Variants in NEK1 observed in about 807,000 individuals in gnomAD.
NEK1 encodes the protein NIMA related kinase 1.
In NEK1, 137 loss-of-function variants were observed where a neutral mutation model predicts 182.1. The ratio of observed to expected loss-of-function variants is 0.75; its 90% CI spans 0.65 to 0.87. The LOEUF (loss-of-function observed/expected upper bound fraction) is 0.87. Among genes scored for constraint, NEK1 ranks in the 40% least tolerant of loss-of-function variants. The probability of loss-of-function intolerance (pLI) is 0.00; values close to 1 mark genes in which losing one functional copy is unlikely to be tolerated. For synonymous variants in NEK1, 513 were observed against 492.2 expected (o/e 1.04, Z -0.56); for missense variants, 1,391 against 1,494.4 (o/e 0.93, Z 1.14).
chr4:169,448,476 T>C (rs1561205330), intron 27 of NEK1, among the ~76,000 whole-genome samples: 1 of 151,868 alleles, frequency 6.6e-6, no homozygotes, highest in Non-Finnish European at 1.5e-5. Context: ...AGCAAGAAAT[T>C]AAAACATACC....
At chr4:169,407,080 G>A (rs1732775291) in intron 31 of NEK1, among the ~76,000 whole-genome samples, 1 of 152,074 alleles carries the variant, frequency 6.6e-6, no homozygotes, top group African/African-American at 2.4e-5. Flanking sequence ...TGGGAGAAGT[G>A]TTTATTTAGG....
In NEK1 at chr4:169,555,999, G is replaced by A; in HGVS notation, c.1363C>T (p.Gln455Ter). The A allele has an allele frequency of 4.3e-6, 7 of 1,613,538 alleles. No homozygotes were observed. Among genetic ancestry groups the A allele is most frequent in the Non-Finnish European group, 5.9e-6 (7 of 1,179,756 alleles). The change falls in exon 17 of 36, where the codon CAA (glutamine) becomes TAA (stop). Residue 455 changes from glutamine (Q) to a stop codon, truncating the protein, a stop_gained. Transcript: ENST00000507142. LOFTEE classifies it high-confidence loss of function. Reference protein sequence around the residue: ...HYHAIFDQMQQQRAEDNEAKW... With the variant: ...HYHAIFDQMQ ...GCTTCATTATCTTCTGCTCTTTGTT[G>A]CTGCATTTGGTCAAAAATGGCATGG... is the stretch of plus-strand genomic sequence containing the variant.
chr4:169,456,469 AC>A (rs1403719112), intron 27 of NEK1, among the ~76,000 whole-genome samples: 3 of 152,170 alleles, frequency 2.0e-5, no homozygotes, highest in African/African-American at 7.2e-5. Context: ...CTTTATCCAG[AC>A]TAAGAAAAAG....
intron 31 of NEK1, among the ~76,000 whole-genome samples, chr4:169,409,752 A>G (rs1274647273): frequency 3.3e-5 from 5 of 152,182 alleles, no homozygotes; most frequent in Non-Finnish European, 7.3e-5. Context: ...TGGGCGACAG[A>G]GCGAGACTTT....
chr4:169,489,559 G>A (rs1317539322), intron 23 of NEK1, among the ~76,000 whole-genome samples: 2 of 152,092 alleles, frequency 1.3e-5, no homozygotes, highest in East Asian at 1.9e-4. Context: ...AGTCACAGCT[G>A]TGCCCCACCA....
chr4:169,586,437 G>A (rs999853635), intron 9 of NEK1, among the ~76,000 whole-genome samples: 12 of 151,922 alleles, frequency 7.9e-5, no homozygotes. Flanking sequence ...CTATTCCAAT[G>A]CACTTTCGTT....
rs60527222 is a variant in NEK1 at position 169,464,183 on chromosome 4, T to TA, written c.2435-789dup. 1.5e-4 allele frequency among the ~76,000 whole-genome samples: 23 copies of TA among 151,044 alleles called. No individual in the cohort carries two copies. The East Asian group carries it at 1.9e-3, about 13-fold the overall frequency. Reference sequence around the variant, plus strand: ...TGTTCACACAAAAATACTTCGTAGTTAAAAAAAAAGAGAGACATACCATTA... The same window carrying TA: ...TGTTCACACAAAAATACTTCGTAGTTAAAAAAAAAAGAGAGACATACCATTA... On this transcript the variant is annotated intron_variant, in intron 26 of 35. Transcript: ENST00000507142.
chr4:169,588,812 C>A, intron 7 of NEK1, 77 bp from the exon 8 acceptor site: 1 of 875,820 alleles, frequency 1.1e-6, no homozygotes, highest in Non-Finnish European at 1.9e-6. Flanking sequence ...TGGTCTACAG[C>A]AGATCGCATA....
At chr4:169,579,398 C>T (rs1766234557) in intron 11 of NEK1, among the ~76,000 whole-genome samples, 1 of 152,146 alleles carries the variant, frequency 6.6e-6, no homozygotes, top group Admixed American at 6.5e-5. Context: ...TGCCCACTGC[C>T]CAGAGAAATC....
At chr4:169,505,865 A>C (rs1038919129) in intron 23 of NEK1, among the ~76,000 whole-genome samples, 3 of 152,200 alleles carry the variant, frequency 2.0e-5, no homozygotes, top group African/African-American at 7.2e-5. Flanking sequence ...AAAAACCTTT[A>C]AAGATTGAAA....
At chr4:169,491,156 AAAAAAAAG>A (rs1419528617) in intron 23 of NEK1, among the ~76,000 whole-genome samples, 24 of 144,126 alleles carry the variant, frequency 1.7e-4, no homozygotes, top group East Asian at 5.8e-4. Flanking sequence ...AAAAAAAAAA[AAAAAAAAG>A]AGAGATGGAG....
At chr4:169,398,376 G>C (rs889542748) in intron 35 of NEK1, among the ~76,000 whole-genome samples, 2 of 151,798 alleles carry the variant, frequency 1.3e-5, no homozygotes, top group African/African-American at 4.8e-5. Context: ...TCCTTAAAGG[G>C]ATCCACATGT....
chr4:169,428,331 T>C lies in NEK1; in HGVS notation c.2886-2097A>G, dbSNP rs562967793. Among the ~76,000 whole-genome samples, 2 of 87,320 alleles carry C rather than the reference T, an allele frequency of 2.3e-5. 1 individual carries two copies. The highest frequency in any genetic ancestry group is 2.8e-4 in the Admixed American group (2 of 7,072). The allele number at this position is 87,320 out of a possible 152,430, so 57.3% of individuals were successfully genotyped here. Reference sequence around the variant, plus strand: ...AACAACCTACGTGCCCATCAACTGATGAATTATAAAAATATATGGGATATA... The same window carrying C: ...AACAACCTACGTGCCCATCAACTGACGAATTATAAAAATATATGGGATATA... On this transcript the variant is annotated intron_variant, in intron 29 of 35. Coordinates refer to ENST00000507142, the MANE Select transcript of NEK1 (RefSeq NM_001199397.3).
chr4:169,543,792 T>C (rs189038393), intron 18 of NEK1, among the ~76,000 whole-genome samples: 8 of 152,348 alleles, frequency 5.3e-5, no homozygotes, highest in Admixed American at 3.3e-4. Flanking sequence ...TTGTCTGTTA[T>C]TGCTGTATAG....
At chr4:169,442,399 A>C (rs1458890598) in intron 27 of NEK1, among the ~76,000 whole-genome samples, 1 of 152,198 alleles carries the variant, frequency 6.6e-6, no homozygotes, top group Non-Finnish European at 1.5e-5. Context: ...ATCAAAGCCA[A>C]AACACCCTAC....
chr4:169,479,751 T>C (rs921569108), intron 23 of NEK1, among the ~76,000 whole-genome samples: 1 of 152,144 alleles, frequency 6.6e-6, no homozygotes, highest in Non-Finnish European at 1.5e-5. Context: ...CATAGTCATG[T>C]CACATAGTCC....
intron 6 of NEK1, 65 bp downstream of exon 6, chr4:169,590,661 G>A: frequency 5.0e-6 from 6 of 1,198,486 alleles, no homozygotes; most frequent in Non-Finnish European, 1.2e-6. Context: ...AAAATTTTTG[G>A]CCCAAAACAA....
At chr4:169,485,149 T>A (rs920117930) in intron 23 of NEK1, among the ~76,000 whole-genome samples, 3 of 152,218 alleles carry the variant, frequency 2.0e-5, no homozygotes, top group Admixed American at 1.3e-4. Flanking sequence ...TTCAGCAGCC[T>A]TCAGTAAATG....
At chr4:169,563,442 T>G (rs961586995) in intron 12 of NEK1, among the ~76,000 whole-genome samples, 14 of 152,202 alleles carry the variant, frequency 9.2e-5, no homozygotes, top group African/African-American at 3.4e-4. Flanking sequence ...ATTTATTTTT[T>G]ACATGTTGCC....
Sources: allele counts gnomAD v4.1 joint callset (sites outside exome capture counted in the v4.1 genomes callset), GRCh38; gene constraint gnomAD v4.1.1; transcripts MANE v1.5; gene names NCBI Gene and HGNC (gene_info 2026-07-23, HGNC 2026-07-21).